Variants in CNTNAP5 observed in about 807,000 individuals in gnomAD.
CNTNAP5 encodes the protein contactin-associated protein-like 5.
A neutral mutation model predicts 150.2 loss-of-function variants in CNTNAP5; 72 were observed. The observed-to-expected ratio is 0.48, with a 90% CI of 0.40 to 0.58. The LOEUF (loss-of-function observed/expected upper bound fraction) is 0.58. CNTNAP5 is among the 20% of genes least tolerant of loss of function. The pLI is 0.00. For missense variants in CNTNAP5, 1,636 were observed against 1,626.2 expected (o/e 1.01, Z -0.10); for synonymous variants, 672 against 619.8 (o/e 1.08, Z -1.25).
intron 4 of CNTNAP5, among the ~76,000 whole-genome samples, chr2:124,429,499 CCTT>C (rs1692318998): frequency 6.6e-6 from 1 of 152,208 alleles, no homozygotes; most frequent in South Asian, 2.1e-4. Context: ...AACCTTTAAT[CCTT>C]CTTTGAAAGT....
intron 13 of CNTNAP5, among the ~76,000 whole-genome samples, chr2:124,661,768 A>G (rs1678597425): frequency 6.6e-6 from 1 of 152,182 alleles, no homozygotes; most frequent in Admixed American, 6.5e-5. Flanking sequence ...AATTCATTGC[A>G]CAATAACTTG....
At chr2:124,204,731 G>A (rs1685819054) in intron 1 of CNTNAP5, among the ~76,000 whole-genome samples, 1 of 152,110 alleles carries the variant, frequency 6.6e-6, no homozygotes, top group African/African-American at 2.4e-5. Flanking sequence ...CAAATCTCAT[G>A]AGACTTATTC....
Position 124,908,235 on chromosome 2 carries a change from G to A in CNTNAP5, c.3656-3232G>A, listed in dbSNP as rs940033557. ...AAAATACAAAAATTAGCTGGGCATG[G>A]TGGTGCACACCTGTAATCCCAGCTA... is the stretch of plus-strand genomic sequence containing the variant. On this transcript the variant is annotated intron_variant, in intron 22 of 23. Transcript: ENST00000682447. 3.9e-5 allele frequency among the ~76,000 whole-genome samples: 6 copies of A among 152,028 alleles called. No individual in the cohort carries two copies. The East Asian group carries it at 5.8e-4, about 15-fold the overall frequency.
chr2:124,776,579 T>C (rs1681329139), intron 17 of CNTNAP5, among the ~76,000 whole-genome samples: 1 of 152,206 alleles, frequency 6.6e-6, no homozygotes, highest in Non-Finnish European at 1.5e-5. Flanking sequence ...AATGCAACAC[T>C]TAGGTAACTG....
At chr2:124,073,022 T>G (rs540705925) in intron 1 of CNTNAP5, among the ~76,000 whole-genome samples, 1 of 152,054 alleles carries the variant, frequency 6.6e-6, no homozygotes, top group African/African-American at 2.4e-5. Flanking sequence ...CATAGACCAA[T>G]GGAACAGAAT....
intron 21 of CNTNAP5, among the ~76,000 whole-genome samples, chr2:124,886,843 A>C (rs1016098171): frequency 1.3e-5 from 2 of 152,004 alleles, no homozygotes; most frequent in Non-Finnish European, 2.9e-5. Context: ...GCATGTACTG[A>C]CCACATGTCC....
intron 21 of CNTNAP5, among the ~76,000 whole-genome samples, chr2:124,889,078 CTTTTT>C (rs761790564): frequency 1.9e-3 from 132 of 68,774 alleles, no homozygotes; most frequent in African/African-American, 7.3e-3. Context: ...TGAGGTCTAG[CTTTTT>C]TTTTTTTTTT....
chr2:124,725,971 TATATATG>T (rs1489140164), intron 13 of CNTNAP5, among the ~76,000 whole-genome samples: 2 of 152,058 alleles, frequency 1.3e-5, no homozygotes, highest in African/African-American at 2.4e-5. Context: ...TGTGTGTATA[TATATATG>T]ATATATGATA....
intron 1 of CNTNAP5, among the ~76,000 whole-genome samples, chr2:124,157,882 C>T (rs1573799202): frequency 6.6e-6 from 1 of 152,276 alleles, no homozygotes; most frequent in South Asian, 2.1e-4. Flanking sequence ...CAAGAACTGC[C>T]TCTGACAAGT....
intron 3 of CNTNAP5, among the ~76,000 whole-genome samples, chr2:124,284,355 A>G (rs1195152200): frequency 1.3e-5 from 2 of 152,164 alleles, no homozygotes; most frequent in African/African-American, 4.8e-5. Flanking sequence ...TAGATGCTCA[A>G]TCATGAGAAG....
chr2:124,435,190 C>T (rs557607178), intron 5 of CNTNAP5, among the ~76,000 whole-genome samples: 206 of 152,190 alleles, frequency 1.4e-3, no homozygotes, highest in Non-Finnish European at 2.5e-3. Flanking sequence ...CTTTAGGTGC[C>T]CTCACTGTTC....
intron 3 of CNTNAP5, among the ~76,000 whole-genome samples, chr2:124,301,231 C>T (rs1299376165): frequency 1.3e-5 from 2 of 152,180 alleles, no homozygotes; most frequent in African/African-American, 4.8e-5. Flanking sequence ...GCAAAAGTAG[C>T]ATGTCATCTC....
intron 19 of CNTNAP5, among the ~76,000 whole-genome samples, chr2:124,839,185 C>T (rs1448345651): frequency 2.0e-5 from 3 of 151,892 alleles, no homozygotes. Flanking sequence ...TGCAGAGGTT[C>T]TCCTATGAGG....
chr2:124,705,769 TAA>T (rs564061672), intron 13 of CNTNAP5, among the ~76,000 whole-genome samples: 68 of 134,058 alleles, frequency 5.1e-4, no homozygotes, highest in African/African-American at 1.6e-3. Context: ...ATAGGAAAAG[TAA>T]AAAAAAAAAA....
intron 19 of CNTNAP5, among the ~76,000 whole-genome samples, chr2:124,807,720 C>A (rs561137725): frequency 2.1e-4 from 32 of 152,308 alleles, no homozygotes; most frequent in South Asian, 4.1e-4. Flanking sequence ...TCTCAAGGAA[C>A]CTGCCATGTT....
intron 13 of CNTNAP5, among the ~76,000 whole-genome samples, chr2:124,694,771 AT>A (rs533342828): frequency 1.3e-5 from 2 of 152,154 alleles, no homozygotes; most frequent in East Asian, 1.9e-4. Flanking sequence ...GTATTCATTG[AT>A]TTTTTTTCCA....
Position 124,025,723 on chromosome 2 carries a change from G to A in CNTNAP5, c.73G>A (p.Ala25Thr). ...TGGCTTGTGGCATTTAGGATTAACA[G>A]CGACAAACTGTGAGTACGAGGAGCT... is the stretch of plus-strand genomic sequence containing the variant. The part of the protein sequence containing the change: ...FSGLWHLGLT[A>T]TNYNCDDPLA... Residue 25 changes from alanine (A) to threonine (T), a missense_variant, in exon 1 of 24, where the codon GCG (alanine) becomes ACG (threonine). By Grantham distance (58) the Ala-to-Thr change is moderately conservative. Transcript: ENST00000682447. The A allele has an allele frequency of 3.1e-6, 5 of 1,613,184 alleles. No individual in the cohort carries two copies. Among genetic ancestry groups the A allele is most frequent in the Non-Finnish European group, 4.2e-6 (5 of 1,179,280 alleles).
chr2:124,759,931 C>A (rs1680922291), intron 14 of CNTNAP5, among the ~76,000 whole-genome samples: 1 of 138,380 alleles, frequency 7.2e-6, no homozygotes, highest in Non-Finnish European at 1.5e-5. Context: ...TACCTAAACT[C>A]CTCGGTCTTT....
At chr2:124,718,943 T>TGA (rs576343252) in intron 13 of CNTNAP5, among the ~76,000 whole-genome samples, 5,902 of 138,538 alleles carry the variant, frequency 0.043, 435 homozygotes, top group African/African-American at 0.15. Flanking sequence ...AGACTCCATC[T>TGA]AAAAAAAAAA....
Sources: allele counts gnomAD v4.1 joint callset (sites outside exome capture counted in the v4.1 genomes callset), GRCh38; gene constraint gnomAD v4.1.1; transcripts MANE v1.5; gene names NCBI Gene and HGNC (gene_info 2026-07-23, HGNC 2026-07-21).